The following CTNND2 variants were observed in gnomAD, a reference collection of about 807,000 sequenced individuals.
The protein encoded by CTNND2 is catenin delta-2.
CTNND2 carries 22 observed loss-of-function variants against 144.4 expected under a neutral mutation model. That is an observed-to-expected ratio of 0.15 (90% confidence interval 0.11 to 0.22). The LOEUF (loss-of-function observed/expected upper bound fraction) is 0.22, where lower values mean the gene tolerates loss of function less well. Ranked by LOEUF, CTNND2 falls within the 10% of genes least tolerant of loss-of-function variation. The pLI, the probability that CTNND2 is intolerant of heterozygous loss-of-function variation, is 1.00. For missense variants in CTNND2, 1,353 were observed against 1,618.8 expected, an observed-to-expected ratio of 0.84 and a Z score of 2.82; for synonymous variants, 751 against 695.6, an observed-to-expected ratio of 1.08 and a Z score of -1.25.
At chr5:11,376,016 T>C (rs1269176161) in intron 7 of CTNND2, among the ~76,000 whole-genome samples, 1 of 151,910 alleles carries the variant, frequency 6.6e-6, no homozygotes, top group East Asian at 1.9e-4. Flanking sequence ...GGACATGTCA[T>C]GAGTGGGATT....
chr5:11,602,625 C>T (rs1779852165), intron 2 of CTNND2, among the ~76,000 whole-genome samples: 5 of 147,516 alleles, frequency 3.4e-5, no homozygotes, highest in Admixed American at 2.1e-4. Context: ...GCTTTGCTTT[C>T]TCTCTCTCTC....
At chr5:11,549,495 C>A (rs1159942970) in intron 3 of CTNND2, among the ~76,000 whole-genome samples, 2 of 152,184 alleles carry the variant, frequency 1.3e-5, no homozygotes, top group African/African-American at 4.8e-5. Context: ...AGATGCAAAT[C>A]CTGGAGAATG....
intron 9 of CTNND2, among the ~76,000 whole-genome samples, chr5:11,314,649 A>G (rs575517319): frequency 6.6e-5 from 10 of 152,354 alleles, no homozygotes; most frequent in African/African-American, 2.2e-4. Flanking sequence ...TTACTGGCAT[A>G]GGCCACTGCA....
At chr5:11,454,655 G>A (rs986214108) in intron 3 of CTNND2, among the ~76,000 whole-genome samples, 5 of 150,906 alleles carry the variant, frequency 3.3e-5, no homozygotes, top group Non-Finnish European at 5.9e-5. Context: ...GCAGTGCAGT[G>A]GCACGATCTC....
chr5:11,295,161 A>C lies in CTNND2; in HGVS notation c.1628+51211T>G, dbSNP rs555275935. ...TCAGGATACAAAATCAATGTGCAAAAATCACAAGCATTCTTATACACCAAT... is the reference window on the plus strand; with the variant it reads ...TCAGGATACAAAATCAATGTGCAAACATCACAAGCATTCTTATACACCAAT... On this transcript the variant is annotated intron_variant, in intron 9 of 21. Coordinates refer to ENST00000304623, the MANE Select transcript of CTNND2 (RefSeq NM_001332.4). Among the ~76,000 whole-genome samples the C allele has an allele frequency of 5.5e-3, 843 of 152,296 alleles. 3 individuals are homozygous for C. Among genetic ancestry groups the C allele is most frequent in the Non-Finnish European group, 8.8e-3 (602 of 68,030 alleles).
intron 1 of CTNND2, among the ~76,000 whole-genome samples, chr5:11,877,785 T>A (rs1481057172): frequency 3.3e-5 from 5 of 152,084 alleles, no homozygotes; most frequent in African/African-American, 1.2e-4. Context: ...AGACAAAATA[T>A]AAGACTATCA....
At chr5:10,987,214 G>A (rs1364454623) in intron 20 of CTNND2, among the ~76,000 whole-genome samples, 3 of 152,212 alleles carry the variant, frequency 2.0e-5, no homozygotes, top group African/African-American at 7.2e-5. Flanking sequence ...CTGCTTCTTG[G>A]AGGAGGGCCA....
intron 15 of CTNND2, among the ~76,000 whole-genome samples, chr5:11,090,931 A>C (rs991248039): frequency 1.3e-5 from 2 of 151,810 alleles, no homozygotes; most frequent in Non-Finnish European, 2.9e-5. Flanking sequence ...GATGCTTTGA[A>C]GATTTTCTTT....
intron 16 of CTNND2, among the ~76,000 whole-genome samples, chr5:11,033,033 C>T (rs1027699588): frequency 6.6e-6 from 1 of 152,166 alleles, no homozygotes; most frequent in Non-Finnish European, 1.5e-5. Flanking sequence ...TAAGATATAG[C>T]CATTGCTGGA....
intron 10 of CTNND2, among the ~76,000 whole-genome samples, chr5:11,206,482 A>G (rs1160424376): frequency 6.6e-6 from 1 of 152,174 alleles, no homozygotes; most frequent in African/African-American, 2.4e-5. Flanking sequence ...TTTCTTTTCT[A>G]AAGACACCAC....
intron 3 of CTNND2, among the ~76,000 whole-genome samples, chr5:11,506,737 G>A (rs1771081472): frequency 6.6e-6 from 1 of 152,126 alleles, no homozygotes; most frequent in African/African-American, 2.4e-5. Context: ...CCAGGGCTTG[G>A]CAAAGTGCCT....
intron 18 of CTNND2, among the ~76,000 whole-genome samples, chr5:11,015,718 A>C (rs542885199): frequency 2.0e-4 from 30 of 152,350 alleles, no homozygotes; most frequent in Admixed American, 6.5e-4. Flanking sequence ...TTCAGGATCT[A>C]AAGGAAAGAG....
chr5:11,125,946 T>G (rs949847830), intron 12 of CTNND2, among the ~76,000 whole-genome samples: 9 of 152,230 alleles, frequency 5.9e-5, no homozygotes, highest in Admixed American at 5.9e-4. Flanking sequence ...CCTCAAAAGT[T>G]TATCTCTGTC....
intron 9 of CTNND2, 72 bp from the exon 10 acceptor site, chr5:11,236,895 C>T: frequency 3.3e-6 from 5 of 1,527,176 alleles, no homozygotes; most frequent in Admixed American, 1.7e-5. Flanking sequence ...ATGGTTAGCT[C>T]GTGTATGAAA....
intron 16 of CTNND2, among the ~76,000 whole-genome samples, chr5:11,070,130 C>A (rs2149610110): frequency 6.6e-6 from 1 of 152,138 alleles, no homozygotes; most frequent in Middle Eastern, 3.4e-3. Context: ...ATAAAGTTAT[C>A]ATAGGCAAAT....
intron 11 of CTNND2, among the ~76,000 whole-genome samples, chr5:11,179,581 T>C (rs1436903862): frequency 1.3e-5 from 2 of 152,150 alleles, no homozygotes; most frequent in East Asian, 3.9e-4. Context: ...TTTTTAGTTA[T>C]CTTCACAAAG....
At position 11,385,028 on chromosome 5, in the gene CTNND2, G is replaced by A. The variant is rs2149799869; in HGVS notation, c.814C>T (p.Pro272Ser). The A allele has an allele frequency of 1.6e-6, 2 of 1,212,870 alleles. No homozygotes were observed. Among genetic ancestry groups the A allele is most frequent in the South Asian group, 7.9e-5 (2 of 25,264 alleles). 75.1% of individuals were successfully genotyped at this position (1,212,870 alleles called of 1,614,324 possible). ...PPRGGSPLAA[P>S]QGGSPTKLQR... Reference sequence around the variant, plus strand: ...AGCTTGGTGGGCGAACCGCCCTGGGGCGCGGCCAGCGGGGAGCCCCCGCGC... The same window carrying A: ...AGCTTGGTGGGCGAACCGCCCTGGGACGCGGCCAGCGGGGAGCCCCCGCGC... The change falls in exon 7 of 22, where the codon CCC (proline) becomes TCC (serine). Residue 272 changes from proline to serine, a missense_variant. Coordinates refer to ENST00000304623, the MANE Select transcript of CTNND2 (RefSeq NM_001332.4).
At chr5:11,822,052 T>C (rs114944534) in intron 1 of CTNND2, among the ~76,000 whole-genome samples, 1 of 152,306 alleles carries the variant, frequency 6.6e-6, no homozygotes, top group Non-Finnish European at 1.5e-5. Flanking sequence ...GCAATTACTA[T>C]GTAATAGTAC....
chr5:11,400,284 C>A (rs1330604155), intron 5 of CTNND2, among the ~76,000 whole-genome samples: 1 of 151,988 alleles, frequency 6.6e-6, no homozygotes, highest in Non-Finnish European at 1.5e-5. Flanking sequence ...AACATTTCAC[C>A]CAGGGAAACA....
Sources: allele counts gnomAD v4.1 joint callset (sites outside exome capture counted in the v4.1 genomes callset), GRCh38; gene constraint gnomAD v4.1.1; transcripts MANE v1.5; gene names NCBI Gene and HGNC (gene_info 2026-07-23, HGNC 2026-07-21).